Variants in RBMS2 observed in about 807,000 individuals in gnomAD.
RBMS2 encodes RNA binding motif single stranded interacting protein 2.
RBMS2 carries 38 observed loss-of-function variants against 58.4 expected under a neutral mutation model. That is an observed-to-expected ratio of 0.65 (90% CI 0.50 to 0.85). The LOEUF (loss-of-function observed/expected upper bound fraction) is 0.85. Ranked by LOEUF, RBMS2 falls within the 40% of genes least tolerant of loss-of-function variation. The pLI is 0.00. For synonymous variants in RBMS2, 151 were observed against 180.7 expected (o/e 0.84, Z 1.32); for missense variants, 367 against 503.7 (o/e 0.73, Z 2.60).
At chr12:56,572,974 G>T (rs1192095109) in intron 5 of RBMS2, 4 of 980,564 alleles carry the variant, frequency 4.1e-6, no homozygotes, top group Admixed American at 6.2e-5. Context: ...CTGTCGTAGG[G>T]TATCAGCCTC....
rs547812278 is a variant in RBMS2, at chr12:56,583,112, G to A, written c.873+960G>A. ...CCAATGGGGGCATTCACTTAGATTC[G>A]TTTTTTTGCTGCTATCAATAATGCT... On this transcript the variant is annotated intron_variant, in intron 9 of 13. Coordinates refer to ENST00000262031, the MANE Select transcript of RBMS2 (RefSeq NM_002898.4). Among the ~76,000 whole-genome samples the A allele has an allele frequency of 2.2e-4, 34 of 152,196 alleles. No individual in the cohort carries two copies. In the South Asian group the frequency reaches 5.6e-3, roughly 25 times the overall value.
At chr12:56,521,337 G>C (rs1413834594), upstream of RBMS2, among the ~76,000 whole-genome samples, 1 of 151,246 alleles carries the variant, frequency 6.6e-6, no homozygotes, top group Admixed American at 6.6e-5. Context: ...GGCTGAGGCA[G>C]GAGAATTGCG....
chr12:56,580,320 C>A, intron 5 of RBMS2: 1 of 413,010 alleles, frequency 2.4e-6, no homozygotes, highest in African/African-American at 2.2e-5. Flanking sequence ...ACAACCTCTG[C>A]CTCCCAGGTT....
upstream of RBMS2, chr12:56,521,803 C>G (rs1871755560): frequency 1.8e-6 from 1 of 544,910 alleles, no homozygotes; most frequent in African/African-American, 1.9e-5. Flanking sequence ...TAACTTCTCT[C>G]AGTGACGTAA....
At chr12:56,584,363 T>C (rs982642976) in intron 9 of RBMS2, among the ~76,000 whole-genome samples, 1 of 151,582 alleles carries the variant, frequency 6.6e-6, no homozygotes, top group Non-Finnish European at 1.5e-5. Context: ...AGCCCGGAGA[T>C]TGAGGTTTCA....
chr12:56,574,293 A>C (rs1249173778), intron 5 of RBMS2, among the ~76,000 whole-genome samples: 1 of 152,220 alleles, frequency 6.6e-6, no homozygotes, highest in Non-Finnish European at 1.5e-5. Flanking sequence ...CATTCTAACT[A>C]TACTTACTAA....
chr12:56,521,804 A>C (rs1954495489), upstream of RBMS2: 8 of 542,170 alleles, frequency 1.5e-5, no homozygotes, highest in South Asian at 2.0e-4. Flanking sequence ...AACTTCTCTC[A>C]GTGACGTAAA....
intron 5 of RBMS2, among the ~76,000 whole-genome samples, chr12:56,573,476 C>CAAAAAA (rs71081382): frequency 1.8e-4 from 11 of 59,706 alleles, no homozygotes; most frequent in East Asian, 5.7e-4. Context: ...GACGCCATCT[C>CAAAAAA]AAAAAAAAAA....
At chr12:56,535,361 G>A (rs1874570809) in intron 1 of RBMS2, among the ~76,000 whole-genome samples, 2 of 151,906 alleles carry the variant, frequency 1.3e-5, no homozygotes, top group South Asian at 2.1e-4. Flanking sequence ...CAGGCGTGGT[G>A]GTGCATGCCT....
intron 5 of RBMS2, among the ~76,000 whole-genome samples, chr12:56,577,495 G>A (rs1883310861): frequency 7.1e-6 from 1 of 141,442 alleles, no homozygotes; most frequent in South Asian, 2.2e-4. Flanking sequence ...TTATTATTGA[G>A]ACAGGGTCTC....
intron 1 of RBMS2, among the ~76,000 whole-genome samples, chr12:56,545,463 T>C (rs1335499747): frequency 6.6e-6 from 1 of 152,212 alleles, no homozygotes; most frequent in Non-Finnish European, 1.5e-5. Flanking sequence ...ATTTAAAGTA[T>C]ACAATTCAGT....
chr12:56,568,937 C>A (rs943301860), intron 2 of RBMS2, 38 bp from the exon 3 acceptor site: 13 of 1,519,386 alleles, frequency 8.6e-6, no homozygotes, highest in East Asian at 2.3e-5. Flanking sequence ...TTAGTCTCTG[C>A]CCCCCAGATT....
At chr12:56,549,577 A>G (rs975292086) in intron 1 of RBMS2, among the ~76,000 whole-genome samples, 1 of 152,144 alleles carries the variant, frequency 6.6e-6, no homozygotes, top group Non-Finnish European at 1.5e-5. Context: ...GTGAAAGATG[A>G]AGGAGTTATA....
rs1469653430 is a variant in RBMS2, at chr12:56,558,030, C to T, written c.67-4387C>T. Among the ~76,000 whole-genome samples, 56 of 132,140 alleles carry T rather than the reference C, an allele frequency of 4.2e-4. 1 individual carries two copies. In the South Asian group the frequency reaches 0.013, roughly 31 times the overall value. The allele number at this position is 132,140 out of a possible 152,430, so 86.7% of individuals were successfully genotyped here. ...CTGGGATTACAGGCATGAGCCACCT[C>T]GCCCGGGCTTTTTTTTTTTTTTTTT... On this transcript the variant is annotated intron_variant, in intron 1 of 13. Transcript: ENST00000262031.
chr12:56,534,110 C>T (rs979755396), intron 1 of RBMS2, among the ~76,000 whole-genome samples: 4 of 151,998 alleles, frequency 2.6e-5, no homozygotes, highest in Non-Finnish European at 4.4e-5. Context: ...AGCACATAGT[C>T]TTCTGTTTTT....
chr12:56,566,733 G>A (rs985186561), intron 2 of RBMS2, among the ~76,000 whole-genome samples: 5 of 152,050 alleles, frequency 3.3e-5, no homozygotes, highest in East Asian at 1.9e-4. Flanking sequence ...CAGGAGAATC[G>A]CTTGAACCCG....
intron 1 of RBMS2, among the ~76,000 whole-genome samples, chr12:56,541,525 TCAATC>T (rs902269555): frequency 6.6e-5 from 10 of 152,176 alleles, no homozygotes; most frequent in African/African-American, 2.4e-4. Flanking sequence ...TCCTCTTACT[TCAATC>T]CAGTTGAGAA....
At chr12:56,569,846 T>G in intron 3 of RBMS2, 53 bp from the exon 4 acceptor site, 1 of 1,459,840 alleles carries the variant, frequency 6.9e-7, no homozygotes, top group South Asian at 1.1e-5. Flanking sequence ...AGCCTGGACC[T>G]CTCTGTTCCT....
At chr12:56,588,825 G>A (rs1180990833) in intron 12 of RBMS2, 107 bp from the exon 13 acceptor site, 5 of 961,898 alleles carry the variant, frequency 5.2e-6, no homozygotes, top group Non-Finnish European at 8.3e-6. Context: ...TGGAGAGTGG[G>A]TAGGTTTGGG....
Sources: gnomAD v4.1 joint callset for allele counts (sites outside exome capture counted in the v4.1 genomes callset) on GRCh38, gnomAD v4.1.1 for gene constraint, MANE v1.5 for transcripts, NCBI Gene and HGNC (gene_info 2026-07-23, HGNC 2026-07-21) for gene names.